Variants in POLR2J observed in about 807,000 individuals in gnomAD.
POLR2J encodes the protein RNA polymerase II subunit J, also known as DNA-directed RNA polymerase II subunit RPB11-a.
In POLR2J, 12 loss-of-function variants were observed where a neutral mutation model predicts 13.4. The observed-to-expected ratio is 0.90, with a 90% CI of 0.57 to 1.45. The LOEUF is 1.45. Among genes scored for constraint, POLR2J ranks in the 40% most tolerant of loss-of-function variants. POLR2J has a pLI of 0.00. For missense variants in POLR2J, 58 were observed against 132.0 expected, an observed-to-expected ratio of 0.44 and a Z score of 2.75; for synonymous variants, 31 against 53.6, an observed-to-expected ratio of 0.58 and a Z score of 1.84.
At chr7:102,476,531 T>C (rs1344978451) in intron 1 of POLR2J, among the ~76,000 whole-genome samples, 1 of 148,514 alleles carries the variant, frequency 6.7e-6, no homozygotes, top group African/African-American at 2.6e-5. Flanking sequence ...TCCTAGCTAC[T>C]TGGGAGACTG....
At chr7:102,474,318 G>A in intron 3 of POLR2J, 43 bp downstream of exon 3, 1 of 1,611,836 alleles carries the variant, frequency 6.2e-7, no homozygotes, top group Non-Finnish European at 8.5e-7. Flanking sequence ...ACACGGGCCA[G>A]TGTCCAGCCC....
chr7:102,475,598 G>C (rs1798406118), intron 2 of POLR2J, among the ~76,000 whole-genome samples: 1 of 152,244 alleles, frequency 6.6e-6, no homozygotes, highest in African/African-American at 2.4e-5. Flanking sequence ...GCTGGAATCT[G>C]CTGCTCGTTC....
chr7:102,475,776 G>GC (rs1189204948), intron 2 of POLR2J, among the ~76,000 whole-genome samples: 1 of 151,004 alleles, frequency 6.6e-6, no homozygotes, highest in Non-Finnish European at 1.5e-5. Context: ...ACAAAAATTA[G>GC]CCGGGCATCG....
intron 1 of POLR2J, among the ~76,000 whole-genome samples, chr7:102,478,506 A>C (rs1431276973): frequency 6.6e-6 from 1 of 152,060 alleles, no homozygotes; most frequent in Admixed American, 6.6e-5. Flanking sequence ...CAAAAGAGGA[A>C]GCTGCCAGAT....
At chr7:102,473,853 C>A in intron 3 of POLR2J, 169 bp from the exon 4 acceptor site, 1 of 1,448,456 alleles carries the variant, frequency 6.9e-7, no homozygotes, top group South Asian at 1.5e-5. Flanking sequence ...CCCAATCCAG[C>A]CATTCTCTAT....
rs1223512982 is a variant in POLR2J, at chr7:102,473,490, C to CCTAAT, written c.*154_*158dup. 4 of 902,384 alleles carry CCTAAT rather than the reference C, an allele frequency of 4.4e-6. No homozygotes were observed. The highest frequency in any genetic ancestry group is 2.8e-5 in the African/African-American group (1 of 35,810). 55.9% of individuals were successfully genotyped at this position (902,384 alleles called of 1,614,324 possible). ...GCTATACTTTATTAGGAATATAAAA[C>CCTAAT]CTAATCTATGTACAGGACACGTCGG... On this transcript the variant is annotated 3_prime_UTR_variant, in exon 4 of 4. Transcript: ENST00000292614.
intron 3 of POLR2J, chr7:102,473,901 C>T (rs1295695205): frequency 1.4e-6 from 2 of 1,437,848 alleles, no homozygotes; most frequent in African/African-American, 2.9e-5. Flanking sequence ...CAGAGGCTTC[C>T]TGGTGAGCAG....
At chr7:102,475,790 C>T (rs1295091248) in intron 2 of POLR2J, among the ~76,000 whole-genome samples, 2 of 150,534 alleles carry the variant, frequency 1.3e-5, no homozygotes, top group African/African-American at 2.4e-5. Context: ...GGCATCGTGG[C>T]GTGGGCCTGT....
Position 102,473,434 on chromosome 7 carries a change from C to G in POLR2J, c.*215G>C. On this transcript the variant is annotated 3_prime_UTR_variant, in exon 4 of 4. Transcript: ENST00000292614. ...ACAATCCATTTGCTTGCGAAGTCAC[C>G]GCTGCTCAAGTCCACATCCAGGTCT... The G allele has an allele frequency of 1.5e-6, 1 of 685,842 alleles. No individual in the cohort carries two copies. Among genetic ancestry groups the G allele is most frequent in the Non-Finnish European group, 2.3e-6 (1 of 433,784 alleles). 42.5% of individuals were successfully genotyped at this position (685,842 alleles called of 1,614,324 possible). A position where few individuals can be genotyped will look rare whatever the true frequency, so the allele number is the denominator to read the frequency against.
At position 102,474,018 on chromosome 7, in the gene POLR2J, C is replaced by T. The variant is rs111541552; in HGVS notation, c.319-334G>A. 8.2e-3 allele frequency: 11,842 copies of T among 1,439,096 alleles called. 805 individuals are homozygous for T. In the African/African-American group the frequency reaches 0.15, roughly 18 times the overall value. The allele number at this position is 1,439,096 out of a possible 1,614,324, so 89.1% of individuals were successfully genotyped here. ...CAGGTGTGGGCCACCCGGGGGTGAGCTGCCTCCCAGAGACCTGGAAGGACC... is the reference window on the plus strand; with the variant it reads ...CAGGTGTGGGCCACCCGGGGGTGAGTTGCCTCCCAGAGACCTGGAAGGACC... On this transcript the variant is annotated intron_variant, in intron 3 of 3. Transcript: ENST00000292614.
At chr7:102,476,400 G>C in intron 1 of POLR2J, 130 bp from the exon 2 acceptor site, 1 of 597,892 alleles carries the variant, frequency 1.7e-6, no homozygotes, top group East Asian at 2.9e-5. Flanking sequence ...GGAGGCTGAG[G>C]TGGATGGATG....
chr7:102,475,448 G>C (rs1335681591), intron 2 of POLR2J, among the ~76,000 whole-genome samples: 1 of 152,178 alleles, frequency 6.6e-6, no homozygotes, highest in Admixed American at 6.5e-5. Context: ...TCTTTCTCTT[G>C]TTAAATAGAA....
chr7:102,475,645 C>T (rs1315392877), intron 2 of POLR2J, among the ~76,000 whole-genome samples: 1 of 152,272 alleles, frequency 6.6e-6, no homozygotes, highest in African/African-American at 2.4e-5. Flanking sequence ...AATGTAAGGC[C>T]GGGCGCAGTA....
rs780858399 is a variant in POLR2J, at chr7:102,473,602, A to G, written c.*47T>C. On this transcript the variant is annotated 3_prime_UTR_variant, in exon 4 of 4. Coordinates refer to ENST00000292614, the MANE Select transcript of POLR2J (RefSeq NM_006234.6). The stretch of plus-strand genomic sequence containing the variant: ...TGGTACCTGGAGCGGAGGGTCAGGC[A>G]CAGGTAGGAACGGGGCTCACAGGCC... The G allele has an allele frequency of 1.3e-6, 2 of 1,598,366 alleles. No homozygotes were observed. Among genetic ancestry groups the G allele is most frequent in the South Asian group, 1.1e-5 (1 of 89,350 alleles).
intron 2 of POLR2J, among the ~76,000 whole-genome samples, chr7:102,475,286 C>G (rs1226689592): frequency 6.6e-6 from 1 of 152,220 alleles, no homozygotes; most frequent in Non-Finnish European, 1.5e-5. Context: ...AGGGAAGAGC[C>G]AAGTCTACAG....
chr7:102,473,372 C>T lies in POLR2J; in HGVS notation c.*277G>A, dbSNP rs1470956576. On this transcript the variant is annotated 3_prime_UTR_variant, in exon 4 of 4. Coordinates refer to ENST00000292614, the MANE Select transcript of POLR2J (RefSeq NM_006234.6). ...AATGAATTCATCCCTGCCAGCCGGA[C>T]GCCCCTGAAACAGGTCATCTGCCTG... The T allele has an allele frequency of 3.5e-6, 2 of 575,626 alleles. No homozygotes were observed. The highest frequency in any genetic ancestry group is 6.6e-5 in the Admixed American group (2 of 30,306). 35.7% of individuals were successfully genotyped at this position (575,626 alleles called of 1,614,324 possible).
chr7:102,473,473 T>C lies in POLR2J; in HGVS notation c.*176A>G, dbSNP rs1053222820. The C allele has an allele frequency of 2.4e-5, 19 of 805,410 alleles. No homozygotes were observed. The African/African-American group carries it at 4.7e-4, about 20-fold the overall frequency. 49.9% of individuals were successfully genotyped at this position (805,410 alleles called of 1,614,324 possible). A position where few individuals can be genotyped will look rare whatever the true frequency, so the allele number is the denominator to read the frequency against. On this transcript the variant is annotated 3_prime_UTR_variant, in exon 4 of 4. Coordinates refer to ENST00000292614, the MANE Select transcript of POLR2J (RefSeq NM_006234.6). Reference sequence around the variant, plus strand: ...ACATCCAGGTCTCTCCCGCTATACTTTATTAGGAATATAAAACCTAATCTA... The same window carrying C: ...ACATCCAGGTCTCTCCCGCTATACTCTATTAGGAATATAAAACCTAATCTA...
At position 102,473,338 on chromosome 7, in the gene POLR2J, T is replaced by C. The variant is rs1798289176; in HGVS notation, c.*311A>G. 4 of 561,426 alleles carry C rather than the reference T, an allele frequency of 7.1e-6. No homozygotes were observed. The highest frequency in any genetic ancestry group is 9.2e-6 in the Non-Finnish European group (3 of 326,238). 34.8% of individuals were successfully genotyped at this position (561,426 alleles called of 1,614,324 possible). A position where few individuals can be genotyped will look rare whatever the true frequency, so the allele number is the denominator to read the frequency against. On this transcript the variant is annotated 3_prime_UTR_variant, in exon 4 of 4. Transcript: ENST00000292614. ...GCAGCAGCCCCTGGACCCCGGATCT[T>C]TGGTCCAGAATGAATTCATCCCTGC...
rs1245784800 is a variant in POLR2J, at chr7:102,475,786, G to A, written c.143+395C>T. Among the ~76,000 whole-genome samples the A allele has an allele frequency of 4.0e-5, 6 of 150,878 alleles. 1 individual carries two copies. In the East Asian group the frequency reaches 7.8e-4, roughly 19 times the overall value. On this transcript the variant is annotated intron_variant, in intron 2 of 3. Transcript: ENST00000292614. Reference sequence around the variant, plus strand: ...AAAACACAAAAATTAGCCGGGCATCGTGGCGTGGGCCTGTAGTCCCAGCTA... The same window carrying A: ...AAAACACAAAAATTAGCCGGGCATCATGGCGTGGGCCTGTAGTCCCAGCTA...
Sources: allele counts gnomAD v4.1 joint callset (sites outside exome capture counted in the v4.1 genomes callset), GRCh38; gene constraint gnomAD v4.1.1; transcripts MANE v1.5; gene names NCBI Gene and HGNC (gene_info 2026-07-23, HGNC 2026-07-21).